The following CCSER1 variants were observed in gnomAD, a reference collection of about 807,000 sequenced individuals.
The protein encoded by CCSER1 is coiled-coil serine rich protein 1, also known as serine-rich coiled-coil domain-containing protein 1.
Under a neutral mutation model 82.0 loss-of-function variants are expected in CCSER1, and 41 were observed. The observed-to-expected ratio is 0.50, with a 90% CI of 0.39 to 0.65. CCSER1 has a LOEUF of 0.65. Among genes scored for constraint, CCSER1 ranks in the 30% least tolerant of loss-of-function variants. The pLI is 0.00. For synonymous variants in CCSER1, 414 were observed against 383.9 expected (o/e 1.08, Z -0.92); for missense variants, 1,119 against 1,064.2 (o/e 1.05, Z -0.72).
In CCSER1 at chr4:90,419,803, T is replaced by G. The variant is rs1265467903; in HGVS notation, c.1603+19674T>G. 2.0e-5 allele frequency among the ~76,000 whole-genome samples: 3 copies of G among 151,944 alleles called. No homozygotes were observed. The East Asian group carries it at 5.8e-4, about 29-fold the overall frequency. On this transcript the variant is annotated intron_variant, in intron 4 of 10. Coordinates refer to ENST00000509176, the MANE Select transcript of CCSER1 (RefSeq NM_001145065.2). ...ATTCACTTTGGAAATATATCTAAAC[T>G]CTTATTTATTCTTTAATTTATTGAA...
chr4:91,326,087 TA>T (rs1221353660), intron 10 of CCSER1, among the ~76,000 whole-genome samples: 1 of 152,114 alleles, frequency 6.6e-6, no homozygotes, highest in Non-Finnish European at 1.5e-5. Flanking sequence ...GACATTTTAA[TA>T]AAATCCTGCT....
At chr4:90,791,803 C>A in intron 7 of CCSER1, among the ~76,000 whole-genome samples, 1 of 146,528 alleles carries the variant, frequency 6.8e-6, no homozygotes, top group Admixed American at 6.9e-5. Flanking sequence ...GCCTGGGCTA[C>A]ACAGCGAGAC....
chr4:90,717,801 G>GTA (rs1292073329), intron 6 of CCSER1, among the ~76,000 whole-genome samples: 2 of 149,478 alleles, frequency 1.3e-5, no homozygotes, highest in Admixed American at 6.8e-5. Flanking sequence ...ATATATATGT[G>GTA]TATATATATG....
At chr4:90,334,788 C>A (rs1243189726) in intron 3 of CCSER1, among the ~76,000 whole-genome samples, 1 of 152,056 alleles carries the variant, frequency 6.6e-6, no homozygotes, top group Non-Finnish European at 1.5e-5. Flanking sequence ...GGCTATTTTT[C>A]TTTTATTCAG....
intron 10 of CCSER1, among the ~76,000 whole-genome samples, chr4:91,573,361 C>T (rs992497293): frequency 2.0e-5 from 3 of 152,170 alleles, no homozygotes; most frequent in Non-Finnish European, 4.4e-5. Context: ...ACTGCTCAGC[C>T]CCCTGGATTC....
At chr4:91,167,010 TG>T (rs1415139153) in intron 10 of CCSER1, among the ~76,000 whole-genome samples, 1 of 152,156 alleles carries the variant, frequency 6.6e-6, no homozygotes, top group African/African-American at 2.4e-5. Context: ...AATACTTGTA[TG>T]GTATGTTAAG....
intron 5 of CCSER1, among the ~76,000 whole-genome samples, chr4:90,518,403 T>C (rs1169403618): frequency 6.6e-6 from 1 of 152,082 alleles, no homozygotes; most frequent in Non-Finnish European, 1.5e-5. Context: ...CATAAAAATA[T>C]GAAATCCATT....
intron 5 of CCSER1, among the ~76,000 whole-genome samples, chr4:90,617,527 T>C (rs549087865): frequency 2.8e-4 from 43 of 152,280 alleles, no homozygotes; most frequent in African/African-American, 8.9e-4. Flanking sequence ...GAAAAATATA[T>C]TGAAGCACAA....
chr4:91,587,116 A>G (rs1764036796), intron 10 of CCSER1, among the ~76,000 whole-genome samples: 1 of 151,728 alleles, frequency 6.6e-6, no homozygotes. Context: ...ATTGCCCAGT[A>G]TACTCAACAT....
At chr4:90,800,463 T>A (rs927641733) in intron 7 of CCSER1, among the ~76,000 whole-genome samples, 2 of 152,162 alleles carry the variant, frequency 1.3e-5, no homozygotes, top group Admixed American at 6.5e-5. Flanking sequence ...AAACAATTTC[T>A]TACCTTGCTT....
At chr4:91,160,755 GTTT>G (rs576500992) in intron 10 of CCSER1, among the ~76,000 whole-genome samples, 8 of 150,432 alleles carry the variant, frequency 5.3e-5, no homozygotes, top group African/African-American at 1.7e-4. Context: ...TGTTGTTGTT[GTTT>G]TTTTTGTAAA....
At chr4:90,408,326 G>T (rs1054954503) in intron 4 of CCSER1, among the ~76,000 whole-genome samples, 12 of 152,342 alleles carry the variant, frequency 7.9e-5, no homozygotes, top group African/African-American at 2.9e-4. Context: ...AGAATGGGCA[G>T]ACTGCCTCCT....
chr4:90,976,415 T>C (rs920176207), intron 9 of CCSER1, among the ~76,000 whole-genome samples: 23 of 151,308 alleles, frequency 1.5e-4, no homozygotes, highest in African/African-American at 5.6e-4. Flanking sequence ...TCTAATTTAG[T>C]TATAGATCAA....
At chr4:91,261,972 A>G (rs1483240689) in intron 10 of CCSER1, among the ~76,000 whole-genome samples, 1 of 152,168 alleles carries the variant, frequency 6.6e-6, no homozygotes, top group African/African-American at 2.4e-5. Flanking sequence ...GTAAGACAGA[A>G]ATGTATAACT....
intron 4 of CCSER1, among the ~76,000 whole-genome samples, chr4:90,423,576 GTGATTCTTCTGCCTCAGCCCCC>G (rs1269633104): frequency 6.6e-6 from 1 of 151,336 alleles, no homozygotes; most frequent in African/African-American, 2.4e-5. Context: ...CTGAGTTTAA[GTGATTCTTCTGCCTCAGCCCCC>G]TGAGTAGCTG....
Position 90,906,710 on chromosome 4 carries a change from A to T in CCSER1, c.2095-16660A>T, listed in dbSNP as rs775082639. Among the ~76,000 whole-genome samples, 21 of 152,062 alleles carry T rather than the reference A, an allele frequency of 1.4e-4. 1 individual carries two copies. Among genetic ancestry groups the T allele is most frequent in the Non-Finnish European group, 2.4e-4 (16 of 68,016 alleles). The stretch of plus-strand genomic sequence containing the variant: ...ATATCAAGCAAGTTAAAGCTGGAAA[A>T]ATCTTTATCATATATTCAAGATCTC... On this transcript the variant is annotated intron_variant, in intron 8 of 10. Coordinates refer to ENST00000509176, the MANE Select transcript of CCSER1 (RefSeq NM_001145065.2).
chr4:91,463,359 G>A (rs1433208385), intron 10 of CCSER1, among the ~76,000 whole-genome samples: 5 of 152,110 alleles, frequency 3.3e-5, no homozygotes, highest in African/African-American at 4.8e-5. Flanking sequence ...CCATCTGGAC[G>A]TCACCATCAT....
intron 6 of CCSER1, among the ~76,000 whole-genome samples, chr4:90,637,773 T>C (rs1725697271): frequency 6.6e-6 from 1 of 152,184 alleles, no homozygotes; most frequent in Non-Finnish European, 1.5e-5. Context: ...TTCTGCCCTC[T>C]ATGTTCTTTG....
intron 10 of CCSER1, among the ~76,000 whole-genome samples, chr4:91,578,452 A>G (rs2110304645): frequency 6.6e-6 from 1 of 152,098 alleles, no homozygotes; most frequent in African/African-American, 2.4e-5. Flanking sequence ...AATCTATGTC[A>G]CAATATAGCA....
Sources: gnomAD v4.1 joint callset for allele counts (sites outside exome capture counted in the v4.1 genomes callset) on GRCh38, gnomAD v4.1.1 for gene constraint, MANE v1.5 for transcripts, NCBI Gene and HGNC (gene_info 2026-07-23, HGNC 2026-07-21) for gene names.